TPP2: variants seen among roughly 807,000 people sequenced by gnomAD.
TPP2 encodes the protein tripeptidyl peptidase 2.
TPP2 carries 34 observed loss-of-function variants against 155.9 expected under a neutral mutation model. The ratio of observed to expected loss-of-function variants is 0.22; its 90% CI spans 0.17 to 0.29. The LOEUF is 0.29. TPP2 is among the 10% of genes least tolerant of loss of function. The pLI is 1.00. For synonymous variants in TPP2, 510 were observed against 529.4 expected (o/e 0.96, Z 0.50); for missense variants, 1,028 against 1,522.3 (o/e 0.68, Z 5.40).
chr13:102,611,767 T>C (rs1403590480), intron 2 of TPP2, among the ~76,000 whole-genome samples: 2 of 152,260 alleles, frequency 1.3e-5, no homozygotes, highest in Non-Finnish European at 2.9e-5. Context: ...ACAGCTTTTC[T>C]CTTCTGTTTG....
chr13:102,649,462 A>G lies in TPP2; in HGVS notation c.2928A>G (p.Ser976=). The G allele has an allele frequency of 6.2e-7, 1 of 1,612,724 alleles. No individual in the cohort carries two copies. The highest frequency in any genetic ancestry group is 2.2e-5 in the East Asian group (1 of 44,796). The change falls in exon 23 of 30, where the codon TCA becomes TCG. Residue 976 remains serine, a synonymous_variant. Coordinates refer to ENST00000376052, the MANE Select transcript of TPP2 (RefSeq NM_001330588.2). The part of the protein sequence containing the change: ...GCYLAGSLTL[S]KTELGKKAGQ... ...ATCTTGCAGGATCCTTAACATTGTC[A>G]AAGACTGAACTAGGAAAGAAAGCTG...
chr13:102,609,392 C>CTTTTTTTTTTTTTTT (rs34845674), intron 2 of TPP2, among the ~76,000 whole-genome samples: 1 of 79,840 alleles, frequency 1.3e-5, no homozygotes, highest in Non-Finnish European at 2.2e-5. Context: ...AAGTGCCATG[C>CTTTTTTTTTTTTTTT]TTTTTTTTTT....
intron 27 of TPP2, among the ~76,000 whole-genome samples, chr13:102,667,258 C>G (rs1029547598): frequency 2.0e-5 from 3 of 152,064 alleles, no homozygotes; most frequent in African/African-American, 7.2e-5. Context: ...TAAATTTAAA[C>G]TGCACTTATT....
At chr13:102,644,061 G>A (rs1882938901) in intron 17 of TPP2, among the ~76,000 whole-genome samples, 1 of 150,644 alleles carries the variant, frequency 6.6e-6, no homozygotes, top group Admixed American at 6.6e-5. Flanking sequence ...AAGAGCAGGT[G>A]TTTTTTTTTC....
At chr13:102,664,263 AC>A (rs754543770) in intron 26 of TPP2, among the ~76,000 whole-genome samples, 21 of 152,218 alleles carry the variant, frequency 1.4e-4, no homozygotes, top group Non-Finnish European at 2.6e-4. Flanking sequence ...TTCTTAAAAG[AC>A]TTTAACAAGA....
chr13:102,640,242 A>G (rs1595176121), intron 15 of TPP2, 28 bp from the exon 16 acceptor site: 3 of 1,449,132 alleles, frequency 2.1e-6, no homozygotes, highest in Non-Finnish European at 2.8e-6. Context: ...ATAAATATAT[A>G]CATTTAATTA....
Position 102,649,467 on chromosome 13 carries a change from C to T in TPP2, c.2933C>T (p.Thr978Ile), listed in dbSNP as rs1403181233. Residue 978 changes from threonine to isoleucine, a missense_variant, in exon 23 of 30, where the codon ACT (threonine) becomes ATT (isoleucine). Transcript: ENST00000376052. ...GCAGGATCCTTAACATTGTCAAAGA[C>T]TGAACTAGGAAAGAAAGCTGTAAGT... Reference protein sequence around the residue: ...YLAGSLTLSKTELGKKAGQSA... With the variant: ...YLAGSLTLSKIELGKKAGQSA... 6.2e-7 allele frequency: 1 copy of T among 1,612,312 alleles called. No individual in the cohort carries two copies. The highest frequency in any genetic ancestry group is 1.3e-5 in the African/African-American group (1 of 74,932).
At chr13:102,629,184 A>T (rs1367002339) in intron 8 of TPP2, among the ~76,000 whole-genome samples, 1 of 152,106 alleles carries the variant, frequency 6.6e-6, no homozygotes, top group Admixed American at 6.5e-5. Flanking sequence ...TAACTGGGGG[A>T]TGGAAATAGA....
rs1306128271 is a variant in TPP2 at position 102,643,895 on chromosome 13, G to A, written c.2175+519G>A. 2.0e-5 allele frequency among the ~76,000 whole-genome samples: 3 copies of A among 152,130 alleles called. No individual in the cohort carries two copies. The East Asian group carries it at 5.8e-4, about 29-fold the overall frequency. On this transcript the variant is annotated intron_variant, in intron 17 of 29. Coordinates refer to ENST00000376052, the MANE Select transcript of TPP2 (RefSeq NM_001330588.2). ...AAAGTACTGATGTTCTTCCTTCAAT[G>A]CGCTCCTTTGTGTTTTCAGTTGGTT...
intron 27 of TPP2, among the ~76,000 whole-genome samples, chr13:102,669,546 G>GT (rs1566373558): frequency 1.3e-5 from 2 of 152,162 alleles, no homozygotes; most frequent in Non-Finnish European, 2.9e-5. Flanking sequence ...ACATATCCTA[G>GT]TTTTCCAAAT....
At chr13:102,652,397 C>CATACATATATATAT (rs1883560553) in intron 24 of TPP2, among the ~76,000 whole-genome samples, 1 of 125,490 alleles carries the variant, frequency 8.0e-6, no homozygotes, top group Non-Finnish European at 1.8e-5. Flanking sequence ...AACATACATA[C>CATACATATATATAT]ATATATATAT....
chr13:102,649,250 CATTT>C lies in TPP2; in HGVS notation c.2873+100_2873+103del, dbSNP rs1024522630. ...CTAGGCTAAATTTAGAGGATGTAGT[CATTT>C]TTTTTTTGGCTGAAGTATTTCTTCC... On this transcript the variant is annotated intron_variant, in intron 22 of 29. Transcript: ENST00000376052. The C allele has an allele frequency of 4.3e-5, 64 of 1,475,622 alleles. No individual in the cohort carries two copies. In the African/African-American group the frequency reaches 1.0e-3, roughly 23 times the overall value. 91.4% of individuals were successfully genotyped at this position (1,475,622 alleles called of 1,614,324 possible).
chr13:102,603,654 A>T (rs143166676), intron 1 of TPP2, among the ~76,000 whole-genome samples: 1 of 152,334 alleles, frequency 6.6e-6, no homozygotes, highest in East Asian at 1.9e-4. Context: ...TTATGCGAGT[A>T]TTCTGAGTGC....
chr13:102,601,727 C>T (rs1053634115), intron 1 of TPP2, among the ~76,000 whole-genome samples: 3 of 152,152 alleles, frequency 2.0e-5, no homozygotes, highest in Non-Finnish European at 4.4e-5. Flanking sequence ...TTTACTTCTC[C>T]CAAAACACCA....
Position 102,640,395 on chromosome 13 carries a change from T to A in TPP2, c.2020+19T>A, listed in dbSNP as rs753246899. The A allele has an allele frequency of 7.2e-5, 113 of 1,573,960 alleles. No individual in the cohort carries two copies. In the Middle Eastern group the frequency reaches 8.3e-4, roughly 12 times the overall value. On this transcript the variant is annotated intron_variant, in intron 16 of 29. Coordinates refer to ENST00000376052, the MANE Select transcript of TPP2 (RefSeq NM_001330588.2). Reference sequence around the variant, plus strand: ...TGGGCTGGTAGGTAAAATTAAAATCTGTGTGACCGCTTATCTCTGTTTACG... The same window carrying A: ...TGGGCTGGTAGGTAAAATTAAAATCAGTGTGACCGCTTATCTCTGTTTACG...
Position 102,618,835 on chromosome 13 carries a change from C to T in TPP2, c.609C>T (p.Gly203=), listed in dbSNP as rs781303333. 22 of 1,606,146 alleles carry T rather than the reference C, an allele frequency of 1.4e-5. No individual in the cohort carries two copies. The African/African-American group carries it at 1.9e-4, about 14-fold the overall frequency. Residue 203 remains glycine, a synonymous_variant, in exon 5 of 30, where the codon GGC becomes GGT. Coordinates refer to ENST00000376052, the MANE Select transcript of TPP2 (RefSeq NM_001330588.2). ...ATGACTGCTTGGTATGGCATGATGGCGAAGTCTGGAGGTAAACTTCGTGTA... is the reference window on the plus strand; with the variant it reads ...ATGACTGCTTGGTATGGCATGATGGTGAAGTCTGGAGGTAAACTTCGTGTA... The part of the protein sequence containing the change: ...PVYDCLVWHD[G]EVWRACIDSN...
At chr13:102,621,788 A>G (rs1325015262) in intron 5 of TPP2, among the ~76,000 whole-genome samples, 1 of 152,170 alleles carries the variant, frequency 6.6e-6, no homozygotes, top group Non-Finnish European at 1.5e-5. Flanking sequence ...GGAAGAACAG[A>G]GGGAGGACTT....
Position 102,597,102 on chromosome 13 carries a change from G to C in TPP2, c.64G>C (p.Gly22Arg). The change falls in exon 1 of 30, where the codon GGA becomes CGA. Residue 22 changes from glycine (G) to arginine (R), a missense_variant. Physicochemically the swap from Gly to Arg is moderately radical, Grantham distance 125. Around this residue, in one of 7 missense-constraint regions of TPP2, gnomAD observed 300 missense variants for 398.3 expected, o/e 0.75. Transcript: ENST00000376052. ...FHGLLPKKET[G>R]AASFLCRYPE... Reference sequence around the variant, plus strand: ...CGGTCTCCTGCCGAAGAAGGAGACCGGAGCCGCCTCCTTCCTCTGCCGCTA... The same window carrying C: ...CGGTCTCCTGCCGAAGAAGGAGACCCGAGCCGCCTCCTTCCTCTGCCGCTA... 6.2e-7 allele frequency: 1 copy of C among 1,611,384 alleles called. No homozygotes were observed. The highest frequency in any genetic ancestry group is 8.5e-7 in the Non-Finnish European group (1 of 1,179,310).
intron 27 of TPP2, among the ~76,000 whole-genome samples, chr13:102,670,373 C>T (rs1256262841): frequency 6.6e-6 from 1 of 152,126 alleles, no homozygotes. Context: ...ACGGTCATAA[C>T]CTAGCAACTG....
Sources: gnomAD v4.1 joint callset for allele counts (sites outside exome capture counted in the v4.1 genomes callset) on GRCh38, gnomAD v4.1.1 for gene constraint, gnomAD v4.1.1 regional missense constraint, MANE v1.5 for transcripts, NCBI Gene and HGNC (gene_info 2026-07-23, HGNC 2026-07-21) for gene names.